Variants in COL23A1 observed in about 807,000 individuals in gnomAD.
COL23A1 encodes the protein collagen type XXIII alpha 1 chain, also known as collagen alpha-1(XXIII) chain.
In COL23A1, 97 loss-of-function variants were observed where a neutral mutation model predicts 99.3. That is an observed-to-expected ratio of 0.98 (90% CI 0.83 to 1.16). The LOEUF is 1.16. Ranked by LOEUF, COL23A1 falls within the 50% of genes most tolerant of loss-of-function variation. The pLI is 0.00. For missense variants in COL23A1, 762 were observed against 757.4 expected (o/e 1.01, Z -0.07); for synonymous variants, 320 against 308.2 (o/e 1.04, Z -0.40).
rs1463791231 is a variant in COL23A1, at chr5:178,307,961, CTG to C, written c.362-1044_362-1043del. On this transcript the variant is annotated intron_variant, in intron 2 of 28. Transcript: ENST00000390654. This position sits in a 1 kb window ranked among gnomAD's most constrained non-coding sequence, Gnocchi z 4.2. ...ACAACCACGAAGGAGATGCAGGAGACTGGCCCCGATCGCGTCTGTGGCAGGAT... is the reference window on the plus strand; with the variant it reads ...ACAACCACGAAGGAGATGCAGGAGACGCCCCGATCGCGTCTGTGGCAGGAT... Among the ~76,000 whole-genome samples the C allele has an allele frequency of 6.6e-6, 1 of 152,178 alleles. No individual in the cohort carries two copies. Among genetic ancestry groups the C allele is most frequent in the Non-Finnish European group, 1.5e-5 (1 of 68,026 alleles).
At chr5:178,320,681 T>C (rs1280294072) in intron 2 of COL23A1, among the ~76,000 whole-genome samples, 5 of 152,200 alleles carry the variant, frequency 3.3e-5, no homozygotes, top group Admixed American at 3.3e-4. Flanking sequence ...CCCAGGGGAC[T>C]TGGGGTGATT....
At chr5:178,316,118 T>C (rs1267802368) in intron 2 of COL23A1, among the ~76,000 whole-genome samples, 2 of 152,214 alleles carry the variant, frequency 1.3e-5, no homozygotes, top group Admixed American at 6.5e-5. Context: ...ATCCAACTGG[T>C]CTTCACGGAT....
intron 2 of COL23A1, among the ~76,000 whole-genome samples, chr5:178,470,913 C>T (rs1036426642): frequency 6.6e-6 from 1 of 152,220 alleles, no homozygotes; most frequent in Non-Finnish European, 1.5e-5. Flanking sequence ...CCAGAGTGTG[C>T]ACTTTTGTCC....
intron 2 of COL23A1, among the ~76,000 whole-genome samples, chr5:178,476,233 G>A (rs983639918): frequency 3.3e-5 from 5 of 152,264 alleles, no homozygotes; most frequent in East Asian, 3.9e-4. Context: ...CATGCCTGCC[G>A]TTCTGTAGGG....
At chr5:178,585,740 G>GGATGGT (rs1193106192) in intron 1 of COL23A1, among the ~76,000 whole-genome samples, 42 of 152,108 alleles carry the variant, frequency 2.8e-4, no homozygotes, top group South Asian at 4.1e-4. Context: ...CCACAGCCCT[G>GGATGGT]GCTGACCCTG....
At chr5:178,582,780 C>T (rs1763730739) in intron 1 of COL23A1, among the ~76,000 whole-genome samples, 1 of 152,240 alleles carries the variant, frequency 6.6e-6, no homozygotes, top group Non-Finnish European at 1.5e-5. Flanking sequence ...ACTCCCCAGA[C>T]TCCCCAACCA....
At chr5:178,371,495 C>T (rs1364526553) in intron 2 of COL23A1, among the ~76,000 whole-genome samples, 1 of 152,132 alleles carries the variant, frequency 6.6e-6, no homozygotes, top group Admixed American at 6.5e-5. Context: ...CAAAGTCGCC[C>T]CTACACCTTG....
At chr5:178,263,608 G>T (rs1380310728) in intron 8 of COL23A1, among the ~76,000 whole-genome samples, 1 of 152,192 alleles carries the variant, frequency 6.6e-6, no homozygotes, top group Non-Finnish European at 1.5e-5. Context: ...GAGAGAGATG[G>T]CACACGCTGC....
intron 1 of COL23A1, among the ~76,000 whole-genome samples, chr5:178,564,827 C>A (rs1301809310): frequency 6.6e-6 from 1 of 152,176 alleles, no homozygotes; most frequent in Non-Finnish European, 1.5e-5. Flanking sequence ...TGAGGAAATA[C>A]AGATTGACAT....
chr5:178,423,469 G>A (rs975416526), intron 2 of COL23A1, among the ~76,000 whole-genome samples: 1 of 152,118 alleles, frequency 6.6e-6, no homozygotes. Flanking sequence ...TATGAGATAC[G>A]CTTTGTGCCA....
In COL23A1 at chr5:178,259,755, A is replaced by T; in HGVS notation, c.703-8T>A. 2.5e-6 allele frequency: 4 copies of T among 1,600,116 alleles called. No individual in the cohort carries two copies. The highest frequency in any genetic ancestry group is 1.7e-4 in the Middle Eastern group (1 of 6,000). The stretch of plus-strand genomic sequence containing the variant: ...AGGTACTCCAGGCTCACCCTGGGGG[A>T]GGCAATGGGGGGTTCAAGAGCAAGG... On this transcript the variant is annotated splice_region_variant and splice_polypyrimidine_tract_variant and intron_variant, in intron 11 of 28. Coordinates refer to ENST00000390654, the MANE Select transcript of COL23A1 (RefSeq NM_173465.4).
At chr5:178,521,995 A>G (rs559160950) in intron 2 of COL23A1, among the ~76,000 whole-genome samples, 1 of 152,342 alleles carries the variant, frequency 6.6e-6, no homozygotes, top group East Asian at 1.9e-4. Flanking sequence ...AATGGCTAGC[A>G]TGGTAATCTT....
At chr5:178,585,024 C>T (rs1175243570) in intron 1 of COL23A1, among the ~76,000 whole-genome samples, 1 of 152,208 alleles carries the variant, frequency 6.6e-6, no homozygotes, top group Non-Finnish European at 1.5e-5. Context: ...AGACTGCAAC[C>T]AACGGGACTG....
intron 3 of COL23A1, among the ~76,000 whole-genome samples, chr5:178,292,901 G>T (rs1460318992): frequency 6.6e-6 from 1 of 152,200 alleles, no homozygotes; most frequent in African/African-American, 2.4e-5. Flanking sequence ...AGTAGAGAAA[G>T]TGTCTCAGGA....
At chr5:178,263,475 C>G (rs968683778) in intron 8 of COL23A1, 151 bp from the exon 9 acceptor site, 1 of 602,110 alleles carries the variant, frequency 1.7e-6, no homozygotes, top group East Asian at 2.8e-5. Context: ...CCTCTTGCCA[C>G]TTATTGGGAG....
Position 178,265,563 on chromosome 5 carries a change from T to C in COL23A1, c.522+1744A>G, listed in dbSNP as rs1017629722. ...AGCCTGCCTGCTCCTCCCTCAGGGATTGGATGGCTGAGGTCTAACCCTGCA... is the reference window on the plus strand; with the variant it reads ...AGCCTGCCTGCTCCTCCCTCAGGGACTGGATGGCTGAGGTCTAACCCTGCA... On this transcript the variant is annotated intron_variant, in intron 8 of 28. Coordinates refer to ENST00000390654, the MANE Select transcript of COL23A1 (RefSeq NM_173465.4). The C allele has an allele frequency of 1.3e-5, 7 of 526,822 alleles. No individual in the cohort carries two copies. The African/African-American group carries it at 1.5e-4, about 11-fold the overall frequency. The allele number at this position is 526,822 out of a possible 1,614,324, so 32.6% of individuals were successfully genotyped here.
At chr5:178,399,817 G>A (rs959950699) in intron 2 of COL23A1, among the ~76,000 whole-genome samples, 3 of 152,178 alleles carry the variant, frequency 2.0e-5, no homozygotes, top group Non-Finnish European at 4.4e-5. Context: ...CTTCAGACTT[G>A]GTCTCCAGGG....
At chr5:178,417,723 G>A (rs539864110) in intron 2 of COL23A1, among the ~76,000 whole-genome samples, 12 of 152,268 alleles carry the variant, frequency 7.9e-5, no homozygotes, top group African/African-American at 2.9e-4. Context: ...CTTGCTGCCC[G>A]CTTCATCCAG....
chr5:178,548,069 A>C (rs1581615082), intron 2 of COL23A1, among the ~76,000 whole-genome samples: 8 of 26,196 alleles, frequency 3.1e-4, no homozygotes, highest in Admixed American at 1.3e-3. Context: ...ACCCCCCCTC[A>C]CCCCCACACA....
Sources: gnomAD v4.1 joint callset for allele counts (sites outside exome capture counted in the v4.1 genomes callset) on GRCh38, gnomAD v4.1.1 for gene constraint, Gnocchi (gnomAD v3.1) non-coding constraint, MANE v1.5 for transcripts, NCBI Gene and HGNC (gene_info 2026-07-23, HGNC 2026-07-21) for gene names.